Variants in ARHGAP15 observed in about 807,000 individuals in gnomAD.
ARHGAP15 encodes the protein rho GTPase-activating protein 15.
Under a neutral mutation model 63.7 loss-of-function variants are expected in ARHGAP15, and 51 were observed. The ratio of observed to expected loss-of-function variants is 0.80; its 90% confidence interval spans 0.64 to 1.01. The LOEUF (loss-of-function observed/expected upper bound fraction) is 1.01. ARHGAP15 is among the 50% of genes least tolerant of loss of function. The pLI, the probability that ARHGAP15 is intolerant of heterozygous loss-of-function variation, is 0.00. For missense variants in ARHGAP15, 560 were observed against 564.6 expected, an observed-to-expected ratio of 0.99 and a Z score of 0.08; for synonymous variants, 191 against 193.8, an observed-to-expected ratio of 0.99 and a Z score of 0.12.
intron 12 of ARHGAP15, among the ~76,000 whole-genome samples, chr2:143,633,059 C>T (rs1456696042): frequency 1.3e-5 from 2 of 152,134 alleles, no homozygotes; most frequent in African/African-American, 2.4e-5. Context: ...AAAATATCCT[C>T]TATTGCAGCA....
intron 12 of ARHGAP15, among the ~76,000 whole-genome samples, chr2:143,657,241 G>A (rs955745294): frequency 1.3e-5 from 2 of 152,082 alleles, no homozygotes; most frequent in African/African-American, 4.8e-5. Context: ...CAGCTACTCC[G>A]GAGGCTGAGG....
chr2:143,202,090 C>G (rs756721700), intron 2 of ARHGAP15, 44 bp from the exon 3 acceptor site: 4 of 1,492,090 alleles, frequency 2.7e-6, no homozygotes, highest in Non-Finnish European at 1.9e-6. Context: ...TAAACTCTAT[C>G]AAGAAAAATT....
intron 9 of ARHGAP15, among the ~76,000 whole-genome samples, chr2:143,491,147 G>T (rs1022730219): frequency 6.6e-6 from 1 of 152,096 alleles, no homozygotes; most frequent in Non-Finnish European, 1.5e-5. Flanking sequence ...TTAAATATAT[G>T]AGTTTATTAA....
chr2:143,420,527 G>T (rs1160010613), intron 6 of ARHGAP15, among the ~76,000 whole-genome samples: 1 of 152,128 alleles, frequency 6.6e-6, no homozygotes, highest in East Asian at 1.9e-4. Flanking sequence ...GGTGCAGGAA[G>T]GATGAGTAAT....
intron 6 of ARHGAP15, among the ~76,000 whole-genome samples, chr2:143,379,485 ATATGTG>A (rs755341992): frequency 0.013 from 1,150 of 90,080 alleles, 7 homozygotes; most frequent in African/African-American, 0.02. Flanking sequence ...TTAGGCATAT[ATATGTG>A]TGTGTGTGTG....
At chr2:143,686,778 T>TA (rs1429986000) in intron 12 of ARHGAP15, among the ~76,000 whole-genome samples, 1 of 152,188 alleles carries the variant, frequency 6.6e-6, no homozygotes, top group Non-Finnish European at 1.5e-5. Context: ...ATATTCCAGA[T>TA]ACACTGACGT....
chr2:143,722,601 GAACAA>G (rs1214012269), intron 13 of ARHGAP15, among the ~76,000 whole-genome samples: 16 of 152,196 alleles, frequency 1.1e-4, no homozygotes, highest in Admixed American at 1.0e-3. Flanking sequence ...AACAGGAAGG[GAACAA>G]AACACTTAAG....
chr2:143,153,837 T>TCTTCC (rs1558779549), intron 1 of ARHGAP15, among the ~76,000 whole-genome samples: 3 of 72,200 alleles, frequency 4.2e-5, no homozygotes, highest in African/African-American at 1.7e-4. Context: ...CTTCTTCTTC[T>TCTTCC]TCTTCTTCCT....
chr2:143,246,129 A>G (rs1474527150), intron 5 of ARHGAP15, among the ~76,000 whole-genome samples: 1 of 152,116 alleles, frequency 6.6e-6, no homozygotes, highest in East Asian at 1.9e-4. Flanking sequence ...ATCCGATAAA[A>G]GTAAATTCGT....
At chr2:143,585,870 T>G (rs1321348720) in intron 11 of ARHGAP15, among the ~76,000 whole-genome samples, 1 of 152,144 alleles carries the variant, frequency 6.6e-6, no homozygotes, top group Non-Finnish European at 1.5e-5. Context: ...CACCCCTTTG[T>G]TATTTTACCA....
intron 5 of ARHGAP15, among the ~76,000 whole-genome samples, chr2:143,244,142 C>A (rs557824400): frequency 1.3e-5 from 2 of 152,198 alleles, no homozygotes; most frequent in South Asian, 4.1e-4. Flanking sequence ...TTTTCATTGT[C>A]ATTCTCTATC....
In ARHGAP15 at chr2:143,624,117, C is replaced by A; in HGVS notation, c.1004-16C>A. On this transcript the variant is annotated splice_polypyrimidine_tract_variant and intron_variant, in intron 11 of 13. Transcript: ENST00000295095. ...CATTAAAACCAGTTGTTCCATTTCT[C>A]CTCGTGTTTTCCCAGAAGAGAAGCT... 1 of 1,611,676 alleles carries A rather than the reference C, an allele frequency of 6.2e-7. No homozygotes were observed.
intron 10 of ARHGAP15, among the ~76,000 whole-genome samples, chr2:143,537,450 G>A (rs981003310): frequency 1.1e-4 from 16 of 152,128 alleles, no homozygotes; most frequent in Non-Finnish European, 2.4e-4. Context: ...TGAAGTCCTT[G>A]CCCATGCTTA....
At chr2:143,361,402 C>T (rs367846945) in intron 6 of ARHGAP15, among the ~76,000 whole-genome samples, 3 of 152,190 alleles carry the variant, frequency 2.0e-5, no homozygotes, top group East Asian at 1.9e-4. Flanking sequence ...TCTGTATTTC[C>T]GTAAAAGGGA....
intron 6 of ARHGAP15, among the ~76,000 whole-genome samples, chr2:143,317,687 T>C (rs969872996): frequency 6.6e-6 from 1 of 152,134 alleles, no homozygotes; most frequent in African/African-American, 2.4e-5. Context: ...CTGTATTCTG[T>C]AGATAATATT....
intron 6 of ARHGAP15, among the ~76,000 whole-genome samples, chr2:143,306,148 A>G (rs1026691718): frequency 3.3e-5 from 5 of 152,142 alleles, no homozygotes; most frequent in Non-Finnish European, 7.4e-5. Context: ...TTTCTTATAT[A>G]AGGATATGGC....
intron 8 of ARHGAP15, among the ~76,000 whole-genome samples, chr2:143,470,900 GTA>G (rs750541964): frequency 1.3e-4 from 19 of 148,276 alleles, no homozygotes; most frequent in African/African-American, 3.2e-4. Flanking sequence ...ATTTATGTGT[GTA>G]TATATATACA....
At chr2:143,382,145 C>T (rs966376870) in intron 6 of ARHGAP15, among the ~76,000 whole-genome samples, 3 of 148,244 alleles carry the variant, frequency 2.0e-5, no homozygotes, top group African/African-American at 7.6e-5. Flanking sequence ...TTTCTTTCTT[C>T]CTCCCTTCCT....
At chr2:143,429,881 A>G (rs938850552) in intron 6 of ARHGAP15, among the ~76,000 whole-genome samples, 10 of 152,202 alleles carry the variant, frequency 6.6e-5, no homozygotes, top group African/African-American at 1.9e-4. Context: ...TTTGCAGTCT[A>G]TCATTTAAAT....
Sources: gnomAD v4.1 joint callset for allele counts (sites outside exome capture counted in the v4.1 genomes callset) on GRCh38, gnomAD v4.1.1 for gene constraint, MANE v1.5 for transcripts, NCBI Gene and HGNC (gene_info 2026-07-23, HGNC 2026-07-21) for gene names.